The following OR7C2 variants were observed in gnomAD, a reference collection of about 807,000 sequenced individuals.
OR7C2 encodes the protein olfactory receptor family 7 subfamily C member 2, also known as olfactory receptor 7C2.
For synonymous variants in OR7C2, 160 were observed against 157.7 expected (o/e 1.01, Z -0.11); for missense variants, 374 against 387.4 (o/e 0.97, Z 0.29).
In OR7C2 at chr19:14,941,674, C is replaced by T. The variant is rs777934232; in HGVS notation, c.186C>T (p.Phe62=). The change falls in exon 1 of 1, where the codon TTC becomes TTT. Residue 62 remains phenylalanine (F), a synonymous_variant. Coordinates refer to ENST00000248072, the MANE Select transcript of OR7C2 (RefSeq NM_012377.1). The part of the protein sequence containing the change: ...DSHLHTPMYF[F]LSNLSFADIC... ...ACCTCCACACCCCCATGTACTTCTT[C>T]CTCTCCAACCTGTCCTTTGCTGACA... is the stretch of plus-strand genomic sequence containing the variant. 2.0e-5 allele frequency: 32 copies of T among 1,614,072 alleles called. No individual in the cohort carries two copies. The Admixed American group carries it at 5.3e-4, about 27-fold the overall frequency.
In OR7C2 at chr19:14,941,973, C is replaced by A; in HGVS notation, c.485C>A (p.Thr162Asn). ...SVMGSLLETL[T>N]ILRLSFCTNM... ...ATGGGTTCCTTGCTTGAGACCTTGA[C>A]CATTTTGAGGCTGTCCTTCTGCACA... is the stretch of plus-strand genomic sequence containing the variant. Residue 162 changes from threonine to asparagine, a missense_variant, in exon 1 of 1, where the codon ACC becomes AAC. Thr to Asn is a moderately conservative substitution (Grantham distance 65). Transcript: ENST00000248072. The A allele has an allele frequency of 6.2e-7, 1 of 1,614,084 alleles. No individual in the cohort carries two copies. The highest frequency in any genetic ancestry group is 1.3e-5 in the African/African-American group (1 of 75,010).
At position 14,942,046 on chromosome 19, in the gene OR7C2, G is replaced by A; in HGVS notation, c.558G>A (p.Lys186=). ...TTTGTGATCCTTCCGAAGTCCTGAAGCTGGCCTGTTCTGACACCTTCATCA... is the reference window on the plus strand; with the variant it reads ...TTTGTGATCCTTCCGAAGTCCTGAAACTGGCCTGTTCTGACACCTTCATCA... The part of the protein sequence containing the change: ...HFFCDPSEVL[K]LACSDTFINN... The change falls in exon 1 of 1, where the codon AAG becomes AAA. Residue 186 remains lysine, a synonymous_variant. Transcript: ENST00000248072. The A allele has an allele frequency of 6.2e-7, 1 of 1,614,126 alleles. No homozygotes were observed. Among genetic ancestry groups the A allele is most frequent in the Non-Finnish European group, 8.5e-7 (1 of 1,180,022 alleles).
chr19:14,942,196 C>T lies in OR7C2; in HGVS notation c.708C>T (p.Ala236=). ...TATCTGCCAGAGGCCAGCACAAAGC[C>T]TTTTCCACCTGTGGTTCCCACCTCT... ...LRVSARGQHK[A]FSTCGSHLSV... The change falls in exon 1 of 1, where the codon GCC becomes GCT. Residue 236 remains alanine (A), a synonymous_variant. Coordinates refer to ENST00000248072, the MANE Select transcript of OR7C2 (RefSeq NM_012377.1). 1 of 1,613,984 alleles carries T rather than the reference C, an allele frequency of 6.2e-7. No individual in the cohort carries two copies. The highest frequency in any genetic ancestry group is 8.5e-7 in the Non-Finnish European group (1 of 1,179,986).
Position 14,941,859 on chromosome 19 carries a change from T to A in OR7C2, c.371T>A (p.Val124Glu). The A allele has an allele frequency of 6.2e-7, 1 of 1,614,158 alleles. No homozygotes were observed. The highest frequency in any genetic ancestry group is 8.5e-7 in the Non-Finnish European group (1 of 1,180,012). The change falls in exon 1 of 1, where the codon GTG (valine) becomes GAG (glutamate). Residue 124 changes from valine to glutamate, a missense_variant. Coordinates refer to ENST00000248072, the MANE Select transcript of OR7C2 (RefSeq NM_012377.1). ...ACCATGACGGCCTATGACCGCTTCG[T>A]GGCCATCTGTTACCCCCTGCACTAC... Reference protein sequence around the residue: ...LLTMTAYDRFVAICYPLHYTV... With the variant: ...LLTMTAYDRFEAICYPLHYTV...
Position 14,941,924 on chromosome 19 carries a change from C to G in OR7C2, c.436C>G (p.Leu146Val), listed in dbSNP as rs2045353236. ...CCCCCGGCTCTGTGGACTGCTGGTT[C>G]TGGGGTCCTGGTGCATCAGTGTCAT... The part of the protein sequence containing the change: ...MNPRLCGLLV[L>V]GSWCISVMGS... Residue 146 changes from leucine (L) to valine (V), a missense_variant, in exon 1 of 1, where the codon CTG becomes GTG. By Grantham distance (32) the Leu-to-Val change is conservative. Transcript: ENST00000248072. 1 of 1,614,136 alleles carries G rather than the reference C, an allele frequency of 6.2e-7. No homozygotes were observed. The highest frequency in any genetic ancestry group is 2.2e-5 in the East Asian group (1 of 44,888).
Position 14,942,108 on chromosome 19 carries a change from G to A in OR7C2, c.620G>A (p.Gly207Asp). 6.2e-7 allele frequency: 1 copy of A among 1,614,076 alleles called. No individual in the cohort carries two copies. The highest frequency in any genetic ancestry group is 8.5e-7 in the Non-Finnish European group (1 of 1,180,028). Residue 207 changes from glycine to aspartate, a missense_variant, in exon 1 of 1, where the codon GGT (glycine) becomes GAT (aspartate). By Grantham distance (94) the Gly-to-Asp change is moderately conservative (BLOSUM62 -1). Transcript: ENST00000248072. ...ATGTATTTTGTGACCATTGTCCTGG[G>A]TGTTTTTCCTCTCTGTGGAATCCTA... ...IVMYFVTIVL[G>D]VFPLCGILFS...
chr19:14,941,631 C>T lies in OR7C2; in HGVS notation c.143C>T (p.Thr48Ile), dbSNP rs1282928721. The T allele has an allele frequency of 6.2e-7, 1 of 1,614,100 alleles. No individual in the cohort carries two copies. The change falls in exon 1 of 1, where the codon ACC (threonine) becomes ATC (isoleucine). Residue 48 changes from threonine (T) to isoleucine (I), a missense_variant. Coordinates refer to ENST00000248072, the MANE Select transcript of OR7C2 (RefSeq NM_012377.1). ...TIIGNLLIIL[T>I]ISSDSHLHTP... ...ATCGGAAACCTGCTCATCATCCTGA[C>T]CATCAGTTCAGACTCCCACCTCCAC...
rs1204583566 is a variant in OR7C2, at chr19:14,942,412, G to A, written c.924G>A (p.Thr308=). Residue 308 remains threonine (T), a synonymous_variant, in exon 1 of 1, where the codon ACG becomes ACA. Transcript: ENST00000248072. Reference sequence around the variant, plus strand: ...TGGGGAGACTCCTCCTCAGGGCAACGTCTCTCAAAGAGGGGACCATTGCTA... The same window carrying A: ...TGGGGAGACTCCTCCTCAGGGCAACATCTCTCAAAGAGGGGACCATTGCTA... ...GSLGRLLLRA[T]SLKEGTIAKL... The A allele has an allele frequency of 6.2e-6, 10 of 1,613,712 alleles. 1 individual carries two copies. Among genetic ancestry groups the A allele is most frequent in the South Asian group, 2.2e-5 (2 of 91,018 alleles).
At position 14,941,841 on chromosome 19, in the gene OR7C2, C is replaced by T. The variant is rs8113325; in HGVS notation, c.353C>T (p.Thr118Met). The T allele has an allele frequency of 1.1e-3, 1,779 of 1,614,058 alleles. 18 individuals are homozygous for T. The African/African-American group carries it at 0.02, about 18-fold the overall frequency. ...CTGGACAATTTGCTCCTGACCATGACGGCCTATGACCGCTTCGTGGCCATC... is the reference window on the plus strand; with the variant it reads ...CTGGACAATTTGCTCCTGACCATGATGGCCTATGACCGCTTCGTGGCCATC... ...GCLDNLLLTM[T>M]AYDRFVAICY... Residue 118 changes from threonine to methionine, a missense_variant, in exon 1 of 1, where the codon ACG becomes ATG. By Grantham distance (81) the Thr-to-Met change is moderately conservative. Coordinates refer to ENST00000248072, the MANE Select transcript of OR7C2 (RefSeq NM_012377.1).
At position 14,941,622 on chromosome 19, in the gene OR7C2, T is replaced by C. The variant is rs1305647020; in HGVS notation, c.134T>C (p.Ile45Thr). The C allele has an allele frequency of 1.2e-6, 2 of 1,614,006 alleles. No homozygotes were observed. The highest frequency in any genetic ancestry group is 1.7e-6 in the Non-Finnish European group (2 of 1,180,018). ...GTTACCATCATCGGAAACCTGCTCA[T>C]CATCCTGACCATCAGTTCAGACTCC... ...YLVTIIGNLL[I>T]ILTISSDSHL... The change falls in exon 1 of 1, where the codon ATC becomes ACC. Residue 45 changes from isoleucine to threonine, a missense_variant. Transcript: ENST00000248072.
In OR7C2 at chr19:14,941,844, C is replaced by T. The variant is rs1236225080; in HGVS notation, c.356C>T (p.Ala119Val). 6.2e-7 allele frequency: 1 copy of T among 1,614,138 alleles called. No homozygotes were observed. Among genetic ancestry groups the T allele is most frequent in the East Asian group, 2.2e-5 (1 of 44,882 alleles). Residue 119 changes from alanine to valine, a missense_variant, in exon 1 of 1, where the codon GCC becomes GTC. By Grantham distance (64) the Ala-to-Val change is moderately conservative. Transcript: ENST00000248072. ...GACAATTTGCTCCTGACCATGACGG[C>T]CTATGACCGCTTCGTGGCCATCTGT... is the stretch of plus-strand genomic sequence containing the variant. ...CLDNLLLTMT[A>V]YDRFVAICYP... is the part of the protein sequence containing the mutation.
Position 14,942,072 on chromosome 19 carries a change from A to G in OR7C2, c.584A>G (p.Asn195Ser). The change falls in exon 1 of 1, where the codon AAT becomes AGT. Residue 195 changes from asparagine (N) to serine (S), a missense_variant. Asn to Ser is a conservative substitution (Grantham distance 46, BLOSUM62 1). Coordinates refer to ENST00000248072, the MANE Select transcript of OR7C2 (RefSeq NM_012377.1). ...LKLACSDTFI[N>S]NIVMYFVTIV... Reference sequence around the variant, plus strand: ...CTGGCCTGTTCTGACACCTTCATCAATAACATCGTGATGTATTTTGTGACC... The same window carrying G: ...CTGGCCTGTTCTGACACCTTCATCAGTAACATCGTGATGTATTTTGTGACC... The G allele has an allele frequency of 6.2e-7, 1 of 1,614,062 alleles. No individual in the cohort carries two copies. Among genetic ancestry groups the G allele is most frequent in the Non-Finnish European group, 8.5e-7 (1 of 1,180,008 alleles).
In OR7C2 at chr19:14,941,735, G is replaced by A. The variant is rs2045352116; in HGVS notation, c.247G>A (p.Val83Met). 4 of 1,614,142 alleles carry A rather than the reference G, an allele frequency of 2.5e-6. No individual in the cohort carries two copies. In the East Asian group the frequency reaches 6.7e-5, roughly 27 times the overall value. Residue 83 changes from valine (V) to methionine (M), a missense_variant, in exon 1 of 1, where the codon GTG (valine) becomes ATG (methionine). Coordinates refer to ENST00000248072, the MANE Select transcript of OR7C2 (RefSeq NM_012377.1). ...ATCCACGACTGTCCCAAAGATGCTG[G>A]TGAATATCCAAACACAAAGCAAAAT... ...FTSTTVPKML[V>M]NIQTQSKMIT...
In OR7C2 at chr19:14,941,606, A is replaced by G; in HGVS notation, c.118A>G (p.Ile40Val). Reference protein sequence around the residue: ...LFLSMYLVTIIGNLLIILTIS... With the variant: ...LFLSMYLVTIVGNLLIILTIS... ...CCTCTCCATGTACCTGGTTACCATC[A>G]TCGGAAACCTGCTCATCATCCTGAC... is the stretch of plus-strand genomic sequence containing the variant. Residue 40 changes from isoleucine to valine, a missense_variant, in exon 1 of 1, where the codon ATC (isoleucine) becomes GTC (valine). Ile to Val is a conservative substitution (Grantham distance 29). Transcript: ENST00000248072. 1 of 1,614,038 alleles carries G rather than the reference A, an allele frequency of 6.2e-7. No homozygotes were observed. Among genetic ancestry groups the G allele is most frequent in the Non-Finnish European group, 8.5e-7 (1 of 1,180,010 alleles).
rs1305647020 is a variant in OR7C2 at position 14,941,622 on chromosome 19, T to A, written c.134T>A (p.Ile45Asn). 6.2e-7 allele frequency: 1 copy of A among 1,614,124 alleles called. No individual in the cohort carries two copies. The highest frequency in any genetic ancestry group is 1.1e-5 in the South Asian group (1 of 91,088). ...GTTACCATCATCGGAAACCTGCTCATCATCCTGACCATCAGTTCAGACTCC... is the reference window on the plus strand; with the variant it reads ...GTTACCATCATCGGAAACCTGCTCAACATCCTGACCATCAGTTCAGACTCC... ...YLVTIIGNLLIILTISSDSHL... is the reference protein window; with the variant it reads ...YLVTIIGNLLNILTISSDSHL... The change falls in exon 1 of 1, where the codon ATC becomes AAC. Residue 45 changes from isoleucine (I) to asparagine (N), a missense_variant. Ile to Asn is a moderately radical substitution (Grantham distance 149). Transcript: ENST00000248072.
Position 14,942,177 on chromosome 19 carries a change from C to T in OR7C2, c.689C>T (p.Ala230Val), listed in dbSNP as rs763205656. 9 of 1,613,998 alleles carry T rather than the reference C, an allele frequency of 5.6e-6. No homozygotes were observed. The highest frequency in any genetic ancestry group is 2.7e-5 in the African/African-American group (2 of 74,916). The change falls in exon 1 of 1, where the codon GCC (alanine) becomes GTC (valine). Residue 230 changes from alanine to valine, a missense_variant. Transcript: ENST00000248072. ...QIFSSVLRVSARGQHKAFSTC... is the reference protein window; with the variant it reads ...QIFSSVLRVSVRGQHKAFSTC... ...TTCTCCTCCGTCCTAAGAGTATCTG[C>T]CAGAGGCCAGCACAAAGCCTTTTCC...
Position 14,941,589 on chromosome 19 carries a change from T to C in OR7C2, c.101T>C (p.Met34Thr). 3 of 1,614,122 alleles carry C rather than the reference T, an allele frequency of 1.9e-6. No homozygotes were observed. Among genetic ancestry groups the C allele is most frequent in the Admixed American group, 1.7e-5 (1 of 60,008 alleles). Residue 34 changes from methionine (M) to threonine (T), a missense_variant, in exon 1 of 1, where the codon ATG (methionine) becomes ACG (threonine). Physicochemically the swap from Met to Thr is moderately conservative, Grantham distance 81 (BLOSUM62 -1). Transcript: ENST00000248072. ...QLLLHGLFLS[M>T]YLVTIIGNLL... Reference sequence around the variant, plus strand: ...CTCCTCCATGGGCTGTTCCTCTCCATGTACCTGGTTACCATCATCGGAAAC... The same window carrying C: ...CTCCTCCATGGGCTGTTCCTCTCCACGTACCTGGTTACCATCATCGGAAAC...
Position 14,942,301 on chromosome 19 carries a change from G to A in OR7C2, c.813G>A (p.Leu271=). Residue 271 remains leucine, a synonymous_variant, in exon 1 of 1, where the codon CTG becomes CTA. Coordinates refer to ENST00000248072, the MANE Select transcript of OR7C2 (RefSeq NM_012377.1). ...TTACACCACCTTCTAGGACAAGTCT[G>A]GCAGCCTCGGTGATGTACACCATGG... is the stretch of plus-strand genomic sequence containing the variant. ...SAVTPPSRTS[L]AASVMYTMVT... is the part of the protein sequence containing the mutation. The A allele has an allele frequency of 6.2e-7, 1 of 1,614,112 alleles. No individual in the cohort carries two copies.
rs748206470 is a variant in OR7C2 at position 14,941,493 on chromosome 19, A to G, written c.5A>G (p.Glu2Gly). M[E>G]RGNQTEVGNF... ...CTCGGCAAACCCAGCGGCCCCATGG[A>G]AAGAGGAAACCAAACAGAAGTTGGA... Residue 2 changes from glutamate (E) to glycine (G), a missense_variant, in exon 1 of 1, where the codon GAA (glutamate) becomes GGA (glycine). Coordinates refer to ENST00000248072, the MANE Select transcript of OR7C2 (RefSeq NM_012377.1). 1 of 1,555,014 alleles carries G rather than the reference A, an allele frequency of 6.4e-7. No homozygotes were observed. Among genetic ancestry groups the G allele is most frequent in the South Asian group, 1.2e-5 (1 of 81,010 alleles).
Sources: gnomAD v4.1 joint callset for allele counts on GRCh38, gnomAD v4.1.1 for gene constraint, MANE v1.5 for transcripts, NCBI Gene and HGNC (gene_info 2026-07-23, HGNC 2026-07-21) for gene names.